Variants in PARD3 observed in about 807,000 individuals in gnomAD.
PARD3 encodes par-3 family cell polarity regulator, also known as partitioning defective 3 homolog.
Under a neutral mutation model 155.4 loss-of-function variants are expected in PARD3, and 75 were observed. That is an observed-to-expected ratio of 0.48 (90% CI 0.40 to 0.58). The LOEUF is 0.58. Ranked by LOEUF, PARD3 falls within the 20% of genes least tolerant of loss-of-function variation. The probability of loss-of-function intolerance (pLI) is 0.00; values close to 1 mark genes in which losing one functional copy is unlikely to be tolerated. For synonymous variants in PARD3, 576 were observed against 610.5 expected (o/e 0.94, Z 0.83); for missense variants, 1,642 against 1,721.7 (o/e 0.95, Z 0.82).
intron 20 of PARD3, among the ~76,000 whole-genome samples, chr10:34,309,548 CAAAAAAAAAAAAAAAAAAA>C (rs1173904388): frequency 1.6e-4 from 10 of 63,996 alleles, no homozygotes; most frequent in East Asian, 7.7e-4. Context: ...ACCCTGTCTC[CAAAAAAAAAAAAAAAAAAA>C]AAAAAAAAAA....
chr10:34,120,265 A>G (rs1448408973), intron 23 of PARD3, among the ~76,000 whole-genome samples: 1 of 147,538 alleles, frequency 6.8e-6, no homozygotes, highest in African/African-American at 2.5e-5. Context: ...TCAGCCTCCC[A>G]AAGTGCTGAG....
intron 20 of PARD3, among the ~76,000 whole-genome samples, chr10:34,284,950 A>G (rs1023361769): frequency 4.6e-5 from 7 of 152,220 alleles, no homozygotes; most frequent in Non-Finnish European, 1.0e-4. Flanking sequence ...GTTTCTGCAG[A>G]TGGGTGCTGA....
intron 22 of PARD3, among the ~76,000 whole-genome samples, chr10:34,196,632 G>A (rs1338772343): frequency 1.4e-5 from 2 of 140,502 alleles, no homozygotes; most frequent in Non-Finnish European, 3.0e-5. Flanking sequence ...GGAGTGCAGT[G>A]GCTCGATCTT....
intron 2 of PARD3, among the ~76,000 whole-genome samples, chr10:34,626,814 A>G (rs968079467): frequency 6.6e-6 from 1 of 152,192 alleles, no homozygotes; most frequent in Non-Finnish European, 1.5e-5. Flanking sequence ...CTGCAGCCAA[A>G]GATATGAGTG....
intron 1 of PARD3, among the ~76,000 whole-genome samples, chr10:34,808,167 A>G (rs982342136): frequency 3.6e-5 from 5 of 139,614 alleles, no homozygotes; most frequent in African/African-American, 1.5e-4. Flanking sequence ...TACAAAAATT[A>G]GCCAGGTGTG....
intron 5 of PARD3, 121 bp downstream of exon 5, chr10:34,450,196 T>A (rs184272567): frequency 1.6e-5 from 15 of 922,748 alleles, no homozygotes; most frequent in Admixed American, 1.2e-4. Flanking sequence ...GGTACTTAAC[T>A]AAAGTTTGTT....
intron 1 of PARD3, among the ~76,000 whole-genome samples, chr10:34,795,682 G>C (rs1768634844): frequency 6.6e-6 from 1 of 151,884 alleles, no homozygotes; most frequent in Non-Finnish European, 1.5e-5. Context: ...ATCACCTGAG[G>C]TAGGGAGTTC....
chr10:34,612,921 C>T (rs2496743), intron 2 of PARD3, among the ~76,000 whole-genome samples: 80,122 of 152,106 alleles, frequency 0.53, 24,502 homozygotes, highest in African/African-American at 0.86. Flanking sequence ...ATGCTAGTTA[C>T]TGTTTCTCTG....
At chr10:34,586,770 G>C (rs1244163107) in intron 2 of PARD3, among the ~76,000 whole-genome samples, 1 of 151,928 alleles carries the variant, frequency 6.6e-6, no homozygotes. Context: ...AGCCTGGGCA[G>C]AGAAACCCTG....
At chr10:34,634,709 G>GCTTTT (rs2092404035) in intron 2 of PARD3, among the ~76,000 whole-genome samples, 1 of 152,226 alleles carries the variant, frequency 6.6e-6, no homozygotes, top group Non-Finnish European at 1.5e-5. Flanking sequence ...GACAGCTTTG[G>GCTTTT]CTTTTTGCTG....
chr10:34,496,997 G>C (rs931527549), intron 3 of PARD3, among the ~76,000 whole-genome samples: 2 of 152,192 alleles, frequency 1.3e-5, no homozygotes, highest in Non-Finnish European at 2.9e-5. Flanking sequence ...GTTCGTAGGA[G>C]TATAGATGCA....
intron 1 of PARD3, among the ~76,000 whole-genome samples, chr10:34,748,439 T>C (rs1835579897): frequency 6.6e-6 from 1 of 151,964 alleles, no homozygotes; most frequent in South Asian, 2.1e-4. Context: ...ATCAGGCCAC[T>C]GCACTCCAGC....
At chr10:34,314,353 T>A (rs1014010438) in intron 20 of PARD3, among the ~76,000 whole-genome samples, 1 of 152,198 alleles carries the variant, frequency 6.6e-6, no homozygotes, top group Non-Finnish European at 1.5e-5. Flanking sequence ...ACTATCCTCA[T>A]CGTGTGAAGG....
chr10:34,516,452 T>C (rs1482064284), intron 3 of PARD3, among the ~76,000 whole-genome samples: 3 of 152,188 alleles, frequency 2.0e-5, no homozygotes, highest in Non-Finnish European at 2.9e-5. Flanking sequence ...CCCAGGGTCC[T>C]AGGATTCCTC....
chr10:34,467,094 T>A (rs2078056403), intron 4 of PARD3, among the ~76,000 whole-genome samples: 2 of 152,054 alleles, frequency 1.3e-5, no homozygotes, highest in African/African-American at 2.4e-5. Flanking sequence ...TAACAATTTT[T>A]AAGATAAATA....
intron 5 of PARD3, among the ~76,000 whole-genome samples, chr10:34,441,665 C>T (rs889791947): frequency 2.4e-4 from 36 of 152,212 alleles, no homozygotes; most frequent in African/African-American, 8.7e-4. Context: ...GAGCCCCACA[C>T]TCCGGTCCTG....
At chr10:34,429,631 G>A (rs1477900473) in intron 5 of PARD3, among the ~76,000 whole-genome samples, 4 of 151,850 alleles carry the variant, frequency 2.6e-5, no homozygotes, top group Admixed American at 6.6e-5. Flanking sequence ...TGTTGCCCGC[G>A]CTGGAGTGCA....
At chr10:34,605,537 C>CTATATATATATATA (rs1226768521) in intron 2 of PARD3, among the ~76,000 whole-genome samples, 1 of 25,706 alleles carries the variant, frequency 3.9e-5, no homozygotes, top group East Asian at 1.1e-3. Context: ...TATATATCTC[C>CTATATATATATATA]TATATATATA....
intron 20 of PARD3, among the ~76,000 whole-genome samples, chr10:34,296,102 C>G (rs916696944): frequency 6.6e-6 from 1 of 152,182 alleles, no homozygotes. Flanking sequence ...ATACTTATCT[C>G]TCTCTGATTT....
Sources: gnomAD v4.1 joint callset for allele counts (sites outside exome capture counted in the v4.1 genomes callset) on GRCh38, gnomAD v4.1.1 for gene constraint, MANE v1.5 for transcripts, NCBI Gene and HGNC (gene_info 2026-07-23, HGNC 2026-07-21) for gene names.